Variants in TMEM236 observed in about 807,000 individuals in gnomAD.
The protein encoded by TMEM236 is transmembrane protein 236.
Under a neutral mutation model 14.7 loss-of-function variants are expected in TMEM236, and 11 were observed. The ratio of observed to expected loss-of-function variants is 0.75; its 90% confidence interval spans 0.47 to 1.24. The LOEUF (loss-of-function observed/expected upper bound fraction) is 1.24. TMEM236 is among the 50% of genes most tolerant of loss of function. TMEM236 has a pLI of 0.00. For synonymous variants in TMEM236, 182 were observed against 168.6 expected (o/e 1.08, Z -0.62); for missense variants, 464 against 427.3 (o/e 1.09, Z -0.76).
Position 17,798,665 on chromosome 10 carries a change from C to G in TMEM236, c.*2161C>G, listed in dbSNP as rs1376206085. ...CACACTGTAAAAGAAGATTTACTCACAGTTGTTAAAAGCTTGCCTTCCAGC... is the reference window on the plus strand; with the variant it reads ...CACACTGTAAAAGAAGATTTACTCAGAGTTGTTAAAAGCTTGCCTTCCAGC... On this transcript the variant is annotated 3_prime_UTR_variant, in exon 4 of 4. Coordinates refer to ENST00000377495, the MANE Select transcript of TMEM236 (RefSeq NM_001098844.3). 1.1e-5 allele frequency: 6 copies of G among 534,434 alleles called. No individual in the cohort carries two copies. Among genetic ancestry groups the G allele is most frequent in the Admixed American group, 1.9e-5 (1 of 51,576 alleles). 33.1% of individuals were successfully genotyped at this position (534,434 alleles called of 1,614,324 possible). A position where few individuals can be genotyped will look rare whatever the true frequency, so the allele number is the denominator to read the frequency against.
Position 17,776,123 on chromosome 10 carries a change from A to G in TMEM236, c.425A>G (p.Asp142Gly), listed in dbSNP as rs1554835135. The G allele has an allele frequency of 5.6e-6, 9 of 1,613,770 alleles. No individual in the cohort carries two copies. The highest frequency in any genetic ancestry group is 7.6e-6 in the Non-Finnish European group (9 of 1,179,728). Residue 142 changes from aspartate to glycine, a missense_variant, in exon 3 of 4, where the codon GAT becomes GGT. By Grantham distance (94) the Asp-to-Gly change is moderately conservative (BLOSUM62 -1). Transcript: ENST00000377495. ...SLVLLSLIMV[D>G]IIEKLRIYPL... is the part of the protein sequence containing the mutation. ...GTTCTGTTATCCCTGATCATGGTTG[A>G]TATTATTGAAAAACTCAGGATATAT...
chr10:17,759,664 G>T (rs140882483), intron 1 of TMEM236, among the ~76,000 whole-genome samples: 72,384 of 151,822 alleles, frequency 0.48, 18,197 homozygotes, highest in African/African-American at 0.66. Flanking sequence ...GTTGATTTGC[G>T]AATCTTGATA....
At chr10:17,764,837 CTT>C (rs1238545582) in intron 1 of TMEM236, among the ~76,000 whole-genome samples, 2 of 127,358 alleles carry the variant, frequency 1.6e-5, no homozygotes, top group Non-Finnish European at 1.6e-5. Flanking sequence ...CAGATTTTCC[CTT>C]TTTTTTTTTT....
rs1032016408 is a variant in TMEM236, at chr10:17,769,780, G to C, written c.258-1529G>C. On this transcript the variant is annotated intron_variant, in intron 1 of 3. Coordinates refer to ENST00000377495, the MANE Select transcript of TMEM236 (RefSeq NM_001098844.3). ...AGGACATCTAAGATGGTGCTGGGAT[G>C]GGGGAGGCAAGACAGCGCCAAAGAG... is the stretch of plus-strand genomic sequence containing the variant. Among the ~76,000 whole-genome samples, 200 of 152,244 alleles carry C rather than the reference G, an allele frequency of 1.3e-3. 1 individual carries two copies. The highest frequency in any genetic ancestry group is 1.2e-3 in the Non-Finnish European group (83 of 68,010).
chr10:17,758,189 A>C (rs955137866), intron 1 of TMEM236, among the ~76,000 whole-genome samples: 1 of 152,262 alleles, frequency 6.6e-6, no homozygotes, highest in Non-Finnish European at 1.5e-5. Flanking sequence ...AGATGATGCA[A>C]AAATAATTGC....
chr10:17,781,303 AT>A (rs1184211162), intron 3 of TMEM236, among the ~76,000 whole-genome samples: 2 of 152,158 alleles, frequency 1.3e-5, no homozygotes, highest in Non-Finnish European at 2.9e-5. Flanking sequence ...CTTAACTCCT[AT>A]ATCAAAATTA....
chr10:17,758,509 A>C (rs919873101), intron 1 of TMEM236, among the ~76,000 whole-genome samples: 1,654 of 152,222 alleles, frequency 0.011, 32 homozygotes, highest in African/African-American at 0.037. Flanking sequence ...TTGAGCCTTA[A>C]TTTTTTCGTG....
At chr10:17,759,693 C>T (rs1168722526) in intron 1 of TMEM236, among the ~76,000 whole-genome samples, 1 of 152,058 alleles carries the variant, frequency 6.6e-6, no homozygotes, top group Non-Finnish European at 1.5e-5. Flanking sequence ...CAATGATAGT[C>T]TCCCCTTTAG....
At chr10:17,774,517 C>G (rs1837627042) in intron 2 of TMEM236, among the ~76,000 whole-genome samples, 1 of 152,190 alleles carries the variant, frequency 6.6e-6, no homozygotes, top group Non-Finnish European at 1.5e-5. Flanking sequence ...CCACATTTCT[C>G]TGCTGTGCCA....
intron 1 of TMEM236, among the ~76,000 whole-genome samples, chr10:17,757,803 C>T (rs1350195338): frequency 6.6e-6 from 1 of 151,876 alleles, no homozygotes; most frequent in African/African-American, 2.4e-5. Context: ...AAGTCTTACT[C>T]TGTTGCCCAG....
chr10:17,795,326 A>G (rs948507725), intron 3 of TMEM236, among the ~76,000 whole-genome samples: 24 of 152,212 alleles, frequency 1.6e-4, no homozygotes, highest in African/African-American at 5.1e-4. Flanking sequence ...GCTCTGCCCA[A>G]TACTAACTGC....
Position 17,796,114 on chromosome 10 carries a change from C to T in TMEM236, c.666C>T (p.Ser222=), listed in dbSNP as rs932023282. The change falls in exon 4 of 4, where the codon TCC becomes TCT. Residue 222 remains serine (S), a synonymous_variant. Coordinates refer to ENST00000377495, the MANE Select transcript of TMEM236 (RefSeq NM_001098844.3). ...FMGPQEPSCD[S]GILRMMSRRD... ...GACCCCAGGAGCCCTCCTGTGACTC[C>T]GGAATCCTGAGAATGATGTCCCGGC... 1,018 of 1,613,842 alleles carry T rather than the reference C, an allele frequency of 6.3e-4. No homozygotes were observed. The highest frequency in any genetic ancestry group is 3.0e-3 in the Admixed American group (181 of 60,002).
intron 1 of TMEM236, among the ~76,000 whole-genome samples, chr10:17,769,012 A>C (rs1162976608): frequency 2.0e-5 from 3 of 152,184 alleles, no homozygotes; most frequent in African/African-American, 7.2e-5. Flanking sequence ...CCATCCATCC[A>C]CAAAACTCTT....
intron 3 of TMEM236, among the ~76,000 whole-genome samples, chr10:17,778,132 C>G (rs982659867): frequency 6.6e-6 from 1 of 152,166 alleles, no homozygotes; most frequent in East Asian, 1.9e-4. Context: ...AGAAGTAGAT[C>G]TGGGGGAGAA....
chr10:17,779,885 G>A (rs1310461711), intron 3 of TMEM236, among the ~76,000 whole-genome samples: 1 of 152,070 alleles, frequency 6.6e-6, no homozygotes, highest in East Asian at 1.9e-4. Flanking sequence ...AAATGCTGTT[G>A]GTGCTGCTGT....
chr10:17,796,815 A>G lies in TMEM236; in HGVS notation c.*311A>G. On this transcript the variant is annotated 3_prime_UTR_variant, in exon 4 of 4. Transcript: ENST00000377495. ...ACCATGGTCCCAGTACTGGTCCGTG[A>G]TCTGTTAGCAAGCAGACCGCACAGC... The G allele has an allele frequency of 2.7e-6, 1 of 371,964 alleles. No homozygotes were observed. Among genetic ancestry groups the G allele is most frequent in the Non-Finnish European group, 5.0e-6 (1 of 200,198 alleles). The allele number at this position is 371,964 out of a possible 1,614,324, so 23.0% of individuals were successfully genotyped here.
At chr10:17,755,115 T>C (rs1446181246) in intron 1 of TMEM236, among the ~76,000 whole-genome samples, 2 of 151,492 alleles carry the variant, frequency 1.3e-5, no homozygotes, top group Admixed American at 1.3e-4. Flanking sequence ...ATGTTTTTTT[T>C]TTTTTTTGTA....
At chr10:17,760,410 G>A (rs931961576) in intron 1 of TMEM236, among the ~76,000 whole-genome samples, 4 of 149,836 alleles carry the variant, frequency 2.7e-5, no homozygotes, top group Non-Finnish European at 5.9e-5. Flanking sequence ...TGCTTAAATT[G>A]CACAAGATCA....
At position 17,799,057 on chromosome 10, in the gene TMEM236, G is replaced by A. The variant is rs947736184; in HGVS notation, c.*2553G>A. On this transcript the variant is annotated 3_prime_UTR_variant, in exon 4 of 4. Coordinates refer to ENST00000377495, the MANE Select transcript of TMEM236 (RefSeq NM_001098844.3). ...AGGAGTATTGTATTCAAAAGTGATC[G>A]ATCTGCTGAATATATAAATTAAAAT... 3.0e-5 allele frequency: 6 copies of A among 202,000 alleles called. No individual in the cohort carries two copies. The highest frequency in any genetic ancestry group is 9.5e-5 in the African/African-American group (4 of 42,070). 12.5% of individuals were successfully genotyped at this position (202,000 alleles called of 1,614,324 possible).
Sources: gnomAD v4.1 joint callset for allele counts (sites outside exome capture counted in the v4.1 genomes callset) on GRCh38, gnomAD v4.1.1 for gene constraint, MANE v1.5 for transcripts, NCBI Gene and HGNC (gene_info 2026-07-23, HGNC 2026-07-21) for gene names.